The following PREP variants were observed in gnomAD, a reference collection of about 807,000 sequenced individuals.
PREP encodes prolyl endopeptidase, also known as dJ355L5.1 (prolyl endopeptidase).
Under a neutral mutation model 87.6 loss-of-function variants are expected in PREP, and 29 were observed. That is an observed-to-expected ratio of 0.33 (90% CI 0.25 to 0.45). The LOEUF is 0.45. Ranked by LOEUF, PREP falls within the 20% of genes least tolerant of loss-of-function variation. The pLI, the probability that PREP is intolerant of heterozygous loss-of-function variation, is 1.00. For missense variants in PREP, 695 were observed against 886.5 expected (o/e 0.78, Z 2.74); for synonymous variants, 337 against 328.6 (o/e 1.03, Z -0.28).
At chr6:105,297,755 C>A (rs141168497) in intron 10 of PREP, among the ~76,000 whole-genome samples, 97 of 152,348 alleles carry the variant, frequency 6.4e-4, no homozygotes, top group African/African-American at 2.1e-3. Context: ...GCCCTGTCTT[C>A]CTTCTTCTTG....
intron 2 of PREP, among the ~76,000 whole-genome samples, chr6:105,397,076 T>C (rs957074381): frequency 2.7e-5 from 4 of 150,714 alleles, no homozygotes; most frequent in African/African-American, 9.8e-5. Context: ...TCCCAGCTAC[T>C]CGGGAGGCTG....
At chr6:105,287,205 G>A (rs1770206104) in intron 11 of PREP, among the ~76,000 whole-genome samples, 1 of 151,716 alleles carries the variant, frequency 6.6e-6, no homozygotes, top group Non-Finnish European at 1.5e-5. Flanking sequence ...ATACCAATGT[G>A]TTAATATTAC....
intron 8 of PREP, among the ~76,000 whole-genome samples, chr6:105,332,776 G>T (rs1182280712): frequency 6.6e-6 from 1 of 152,276 alleles, no homozygotes; most frequent in East Asian, 1.9e-4. Flanking sequence ...TGTGAAACAC[G>T]ACTGATACGG....
rs567537787 is a variant in PREP, at chr6:105,353,209, T to C, written c.718-132A>G. The C allele has an allele frequency of 4.6e-4, 273 of 589,894 alleles. 1 individual carries two copies. The highest frequency in any genetic ancestry group is 4.6e-3 in the African/African-American group (251 of 54,350). The allele number at this position is 589,894 out of a possible 1,614,324, so 36.5% of individuals were successfully genotyped here. ...TCTCTGCCCCAAACTCATGATCTGA[T>C]AAGAAAGTTATCTGAATAAAAAGAT... is the stretch of plus-strand genomic sequence containing the variant. On this transcript the variant is annotated intron_variant, in intron 6 of 14. Transcript: ENST00000652536.
chr6:105,397,682 T>C (rs6568371), intron 2 of PREP, among the ~76,000 whole-genome samples, 171 bp downstream of exon 2: 30,407 of 152,180 alleles, frequency 0.2, 5,495 homozygotes, highest in African/African-American at 0.48. Flanking sequence ...CATGCTTTTG[T>C]CTTTTTCCCA....
intron 2 of PREP, among the ~76,000 whole-genome samples, chr6:105,379,699 A>T (rs975518846): frequency 6.6e-6 from 1 of 152,206 alleles, no homozygotes; most frequent in Non-Finnish European, 1.5e-5. Context: ...CTGGGTAGGA[A>T]CATCAGGGAG....
chr6:105,334,738 C>CAACAACAACAACAACAACAACA (rs752810216), intron 7 of PREP, among the ~76,000 whole-genome samples: 4 of 152,074 alleles, frequency 2.6e-5, no homozygotes, highest in African/African-American at 9.6e-5. Flanking sequence ...ACAACAACAA[C>CAACAACAACAACAACAACAACA]AGAGATGCGG....
intron 7 of PREP, among the ~76,000 whole-genome samples, chr6:105,336,597 A>G (rs1771485837): frequency 6.6e-6 from 1 of 152,200 alleles, no homozygotes; most frequent in African/African-American, 2.4e-5. Context: ...ATCTCTAGTG[A>G]TGCTTTCTGC....
chr6:105,373,707 G>C, intron 4 of PREP, 129 bp from the exon 5 acceptor site: 1 of 955,098 alleles, frequency 1.0e-6, no homozygotes, highest in Non-Finnish European at 1.6e-6. Flanking sequence ...ATAGGAATCT[G>C]GTAGTGAGGA....
intron 2 of PREP, among the ~76,000 whole-genome samples, 178 bp from the exon 3 acceptor site, chr6:105,377,697 G>A (rs1772722387): frequency 6.6e-6 from 1 of 152,166 alleles, no homozygotes; most frequent in South Asian, 2.1e-4. Context: ...CTCCTGCCAA[G>A]TGACTGATTA....
intron 10 of PREP, chr6:105,298,836 G>A (rs1297527836): frequency 6.6e-6 from 1 of 152,434 alleles, no homozygotes; most frequent in Non-Finnish European, 1.5e-5. Context: ...TAAATCTGAG[G>A]CTTGCATTGC....
chr6:105,327,598 T>A (rs1175491028), intron 9 of PREP, among the ~76,000 whole-genome samples: 1 of 152,160 alleles, frequency 6.6e-6, no homozygotes, highest in East Asian at 1.9e-4. Flanking sequence ...ATAACAGTGA[T>A]GAGACATCAC....
In PREP at chr6:105,317,275, G is replaced by GCC. The variant is rs879564178; in HGVS notation, c.1317+6389_1317+6390insGG. Among the ~76,000 whole-genome samples the GCC allele has an allele frequency of 1.3e-3, 199 of 151,580 alleles. 2 individuals are homozygous for GCC. Among genetic ancestry groups the GCC allele is most frequent in the Admixed American group, 0.012 (179 of 15,244 alleles). The stretch of plus-strand genomic sequence containing the variant: ...GCCTGGCTAACATGTTTATTTAAGA[G>GCC]GTGAAAAAAAAATCCTGAGCTATAG... On this transcript the variant is annotated intron_variant, in intron 10 of 14. Coordinates refer to ENST00000652536, the MANE Select transcript of PREP (RefSeq NM_002726.5).
chr6:105,380,899 T>C (rs1054831944), intron 2 of PREP, among the ~76,000 whole-genome samples: 3 of 152,220 alleles, frequency 2.0e-5, no homozygotes, highest in African/African-American at 7.2e-5. Context: ...TCATTTTCCT[T>C]GGAAAAGCAG....
intron 2 of PREP, among the ~76,000 whole-genome samples, chr6:105,384,620 T>A (rs927434233): frequency 6.6e-6 from 1 of 152,154 alleles, no homozygotes; most frequent in African/African-American, 2.4e-5. Context: ...AGTCTTTCCA[T>A]CAATTCTAAC....
At chr6:105,367,068 A>G (rs944825838) in intron 6 of PREP, among the ~76,000 whole-genome samples, 1 of 152,224 alleles carries the variant, frequency 6.6e-6, no homozygotes, top group African/African-American at 2.4e-5. Flanking sequence ...CTGAACTTGT[A>G]AGTTCACTTA....
chr6:105,377,728 C>T (rs1772724337), intron 2 of PREP, among the ~76,000 whole-genome samples: 2 of 152,210 alleles, frequency 1.3e-5, no homozygotes, highest in South Asian at 4.1e-4. Context: ...ACAACCAATG[C>T]TTACATGGTA....
intron 14 of PREP, chr6:105,281,534 T>C: frequency 5.7e-6 from 3 of 527,826 alleles, no homozygotes; most frequent in South Asian, 2.8e-5. Context: ...ATCTGTAGAA[T>C]TCTGCCCTAC....
intron 7 of PREP, among the ~76,000 whole-genome samples, chr6:105,344,968 A>G (rs1771759350): frequency 6.6e-6 from 1 of 152,250 alleles, no homozygotes; most frequent in Non-Finnish European, 1.5e-5. Flanking sequence ...CTCATTCAGA[A>G]TAAGGAATGT....
Sources: gnomAD v4.1 joint callset for allele counts (sites outside exome capture counted in the v4.1 genomes callset) on GRCh38, gnomAD v4.1.1 for gene constraint, MANE v1.5 for transcripts, NCBI Gene and HGNC (gene_info 2026-07-23, HGNC 2026-07-21) for gene names.